C1orf87: variants seen among roughly 807,000 people sequenced by gnomAD.
C1orf87 encodes the protein chromosome 1 open reading frame 87, also known as uncharacterized protein C1orf87.
A neutral mutation model predicts 60.5 loss-of-function variants in C1orf87; 58 were observed. The ratio of observed to expected loss-of-function variants is 0.96; its 90% CI spans 0.78 to 1.19. C1orf87 has a LOEUF of 1.19. Ranked by LOEUF, C1orf87 falls within the 50% of genes most tolerant of loss-of-function variation. The pLI, the probability that C1orf87 is intolerant of heterozygous loss-of-function variation, is 0.00. For missense variants in C1orf87, 673 were observed against 638.6 expected (o/e 1.05, Z -0.58); for synonymous variants, 236 against 227.4 (o/e 1.04, Z -0.34).
chr1:60,019,655 A>G (rs1645148605), intron 8 of C1orf87, among the ~76,000 whole-genome samples: 1 of 152,210 alleles, frequency 6.6e-6, no homozygotes, highest in African/African-American at 2.4e-5. Flanking sequence ...AGTGATATGG[A>G]CAATGACGTC....
chr1:59,994,345 G>C (rs1644948624), intron 11 of C1orf87, among the ~76,000 whole-genome samples: 1 of 151,734 alleles, frequency 6.6e-6, no homozygotes, highest in African/African-American at 2.4e-5. Context: ...GATTCATGGA[G>C]AGCTGGGCTT....
intron 3 of C1orf87, among the ~76,000 whole-genome samples, chr1:60,042,314 A>C (rs1316042363): frequency 6.6e-6 from 1 of 152,040 alleles, no homozygotes; most frequent in Non-Finnish European, 1.5e-5. Context: ...GGCTCACTGC[A>C]ACCTCTGCCT....
chr1:60,047,769 C>A, intron 3 of C1orf87, among the ~76,000 whole-genome samples: 1 of 149,926 alleles, frequency 6.7e-6, no homozygotes. Flanking sequence ...GATAGTGACT[C>A]ACTTGCTTTA....
At chr1:60,073,415 GC>G (rs1422367585) in intron 1 of C1orf87, among the ~76,000 whole-genome samples, 1 of 152,184 alleles carries the variant, frequency 6.6e-6, no homozygotes, top group Non-Finnish European at 1.5e-5. Flanking sequence ...GAAAACTAAG[GC>G]CCAGAGAGGG....
At chr1:60,010,642 A>AATTATTGC (rs1645077158) in intron 8 of C1orf87, among the ~76,000 whole-genome samples, 186 bp from the exon 9 acceptor site, 1 of 151,928 alleles carries the variant, frequency 6.6e-6, no homozygotes, top group African/African-American at 2.4e-5. Context: ...TGATATAGGG[A>AATTATTGC]ATTATTGCAA....
chr1:60,025,035 C>T (rs1376470275), intron 8 of C1orf87, among the ~76,000 whole-genome samples: 2 of 152,192 alleles, frequency 1.3e-5, no homozygotes, highest in Admixed American at 6.5e-5. Flanking sequence ...GGCATCCTAA[C>T]AGAGGACAGA....
Position 60,060,949 on chromosome 1 carries a change from C to T in C1orf87, c.108-5511G>A, listed in dbSNP as rs1036124127. On this transcript the variant is annotated intron_variant, in intron 2 of 11. Transcript: ENST00000371201. Reference sequence around the variant, plus strand: ...TTTGCACTTGCATTCTCTCCTGTTTCGCTTTTGCAAGTCTAAGCAAAATGA... The same window carrying T: ...TTTGCACTTGCATTCTCTCCTGTTTTGCTTTTGCAAGTCTAAGCAAAATGA... Among the ~76,000 whole-genome samples the T allele has an allele frequency of 2.0e-5, 3 of 152,146 alleles. No individual in the cohort carries two copies. The East Asian group carries it at 5.8e-4, about 29-fold the overall frequency.
chr1:60,023,970 C>G (rs547690563), intron 8 of C1orf87, among the ~76,000 whole-genome samples: 1 of 152,118 alleles, frequency 6.6e-6, no homozygotes. Context: ...TCTAGAAGTT[C>G]TATTTGGATC....
chr1:60,069,832 G>C (rs1645573110), intron 2 of C1orf87, among the ~76,000 whole-genome samples: 1 of 152,144 alleles, frequency 6.6e-6, no homozygotes, highest in South Asian at 2.1e-4. Flanking sequence ...ACCTTATTTG[G>C]AAATAGGGTT....
At chr1:60,070,296 T>C (rs1223179357) in intron 2 of C1orf87, among the ~76,000 whole-genome samples, 1 of 152,208 alleles carries the variant, frequency 6.6e-6, no homozygotes, top group African/African-American at 2.4e-5. Flanking sequence ...ATTTCTCTTT[T>C]TCTATCCATT....
At chr1:60,004,500 T>C (rs901601745) in intron 9 of C1orf87, among the ~76,000 whole-genome samples, 1 of 152,018 alleles carries the variant, frequency 6.6e-6, no homozygotes, top group African/African-American at 2.4e-5. Context: ...AACATAAACT[T>C]TGTCCTAGCC....
rs780891606 is a variant in C1orf87, at chr1:60,001,078, A to G, written c.1271T>C (p.Met424Thr). The change falls in exon 10 of 12, where the codon ATG becomes ACG. Residue 424 changes from methionine (M) to threonine (T), a missense_variant and splice_region_variant. Transcript: ENST00000371201. ...PEMSQSKTEHMKTPEEELQPE... is the reference protein window; with the variant it reads ...PEMSQSKTEHTKTPEEELQPE... The stretch of plus-strand genomic sequence containing the variant: ...ACTCTATATACCCCAGGTGCATACC[A>G]TATGTTCAGTTTTGCTTTGAGACAT... 4 of 1,608,392 alleles carry G rather than the reference A, an allele frequency of 2.5e-6. No homozygotes were observed. Among genetic ancestry groups the G allele is most frequent in the Non-Finnish European group, 3.4e-6 (4 of 1,176,280 alleles).
chr1:60,051,284 G>A (rs1645412688), intron 3 of C1orf87, among the ~76,000 whole-genome samples: 1 of 152,186 alleles, frequency 6.6e-6, no homozygotes, highest in Admixed American at 6.5e-5. Flanking sequence ...ATCTGATCAA[G>A]TGGTTCCTCC....
At chr1:60,014,370 A>G (rs1419153403) in intron 8 of C1orf87, among the ~76,000 whole-genome samples, 2 of 152,120 alleles carry the variant, frequency 1.3e-5, no homozygotes, top group East Asian at 3.9e-4. Flanking sequence ...ATTTTCCCAT[A>G]TTCCGTTTAT....
chr1:60,023,278 C>T (rs1261479400), intron 8 of C1orf87, among the ~76,000 whole-genome samples: 1 of 152,078 alleles, frequency 6.6e-6, no homozygotes, highest in Non-Finnish European at 1.5e-5. Flanking sequence ...GTTCAACATA[C>T]TTTTCTTCTC....
chr1:60,000,473 G>A (rs956992743), intron 10 of C1orf87, among the ~76,000 whole-genome samples: 3 of 152,002 alleles, frequency 2.0e-5, no homozygotes, highest in Non-Finnish European at 4.4e-5. Context: ...GAGGCCTCCC[G>A]TCATTTTAAG....
At chr1:60,053,264 T>C (rs1645427450) in intron 3 of C1orf87, among the ~76,000 whole-genome samples, 1 of 152,176 alleles carries the variant, frequency 6.6e-6, no homozygotes. Context: ...TATAAAGGAA[T>C]GTATACAGTT....
chr1:60,048,034 C>A (rs1557475019), intron 3 of C1orf87, among the ~76,000 whole-genome samples: 3 of 152,016 alleles, frequency 2.0e-5, no homozygotes, highest in African/African-American at 7.2e-5. Flanking sequence ...GGTTTCATGG[C>A]CTTATGTAGT....
At chr1:59,993,978 C>T (rs986291124) in intron 11 of C1orf87, among the ~76,000 whole-genome samples, 6 of 151,932 alleles carry the variant, frequency 3.9e-5, no homozygotes, top group Admixed American at 1.3e-4. Flanking sequence ...AGGCTGGTCT[C>T]GAACTCCTGA....
Sources: allele counts gnomAD v4.1 joint callset (sites outside exome capture counted in the v4.1 genomes callset), GRCh38; gene constraint gnomAD v4.1.1; transcripts MANE v1.5; gene names NCBI Gene and HGNC (gene_info 2026-07-23, HGNC 2026-07-21).